Variants in PRKACB observed in about 807,000 individuals in gnomAD.
The protein encoded by PRKACB is cAMP-dependent protein kinase catalytic subunit beta.
In PRKACB, 16 loss-of-function variants were observed where a neutral mutation model predicts 51.4. The ratio of observed to expected loss-of-function variants is 0.31; its 90% CI spans 0.21 to 0.47. PRKACB has a LOEUF of 0.47. Ranked by LOEUF, PRKACB falls within the 20% of genes least tolerant of loss-of-function variation. The probability of loss-of-function intolerance (pLI) is 1.00; values close to 1 mark genes in which losing one functional copy is unlikely to be tolerated. For synonymous variants in PRKACB, 147 were observed against 154.4 expected, an observed-to-expected ratio of 0.95 and a Z score of 0.35; for missense variants, 309 against 464.5, an observed-to-expected ratio of 0.67 and a Z score of 3.08.
At chr1:84,150,598 G>A (rs1483102729) in intron 1 of PRKACB, among the ~76,000 whole-genome samples, 1 of 152,102 alleles carries the variant, frequency 6.6e-6, no homozygotes, top group African/African-American at 2.4e-5. Flanking sequence ...GCAATAACTG[G>A]TTGTTTTTTT....
chr1:84,129,720 A>G (rs1233685463), intron 1 of PRKACB, among the ~76,000 whole-genome samples: 5 of 152,254 alleles, frequency 3.3e-5, no homozygotes, highest in Non-Finnish European at 7.3e-5. Flanking sequence ...TATGCCTAAA[A>G]AAGATTCTGA....
chr1:84,135,309 A>G (rs1345168914), intron 1 of PRKACB, among the ~76,000 whole-genome samples: 1 of 152,228 alleles, frequency 6.6e-6, no homozygotes, highest in Non-Finnish European at 1.5e-5. Context: ...AATGAAAAAC[A>G]GCCAACTCCA....
chr1:84,189,700 G>A (rs1666189714), intron 5 of PRKACB, among the ~76,000 whole-genome samples: 1 of 151,872 alleles, frequency 6.6e-6, no homozygotes, highest in African/African-American at 2.4e-5. Flanking sequence ...TAAAACTAGG[G>A]AAATTAATTA....
At chr1:84,089,405 G>A (rs1648278469) in intron 1 of PRKACB, among the ~76,000 whole-genome samples, 1 of 152,094 alleles carries the variant, frequency 6.6e-6, no homozygotes, top group Admixed American at 6.6e-5. Context: ...ATTGGTCTCA[G>A]GCAGGTAGGA....
At chr1:84,161,500 C>T (rs1315306634) in intron 1 of PRKACB, among the ~76,000 whole-genome samples, 1 of 151,684 alleles carries the variant, frequency 6.6e-6, no homozygotes, top group African/African-American at 2.4e-5. Flanking sequence ...TTCCATTTTA[C>T]TGTTTTCTGT....
rs1165608991 is a variant in PRKACB, at chr1:84,214,267, A to G, written c.1021A>G (p.Thr341Ala). 2 of 1,612,086 alleles carry G rather than the reference A, an allele frequency of 1.2e-6. No homozygotes were observed. The highest frequency in any genetic ancestry group is 1.3e-5 in the African/African-American group (1 of 74,728). The change falls in exon 9 of 10, where the codon ACT (threonine) becomes GCT (alanine). Residue 341 changes from threonine to alanine, a missense_variant. Physicochemically the swap from Thr to Ala is moderately conservative, Grantham distance 58. Coordinates refer to ENST00000370685, the MANE Select transcript of PRKACB (RefSeq NM_182948.4). Reference sequence around the variant, plus strand: ...AAAGAATGGTGTCAGTGATATAAAAACTCACAAGTGGTTTGCCACGACAGA... The same window carrying G: ...AAAGAATGGTGTCAGTGATATAAAAGCTCACAAGTGGTTTGCCACGACAGA... Reference protein sequence around the residue: ...NLKNGVSDIKTHKWFATTDWI... With the variant: ...NLKNGVSDIKAHKWFATTDWI...
chr1:84,196,517 C>T, intron 5 of PRKACB, 99 bp from the exon 6 acceptor site: 2 of 1,203,962 alleles, frequency 1.7e-6, no homozygotes, highest in East Asian at 2.6e-5. Flanking sequence ...TTTTTGTTCC[C>T]AAAGTACCTC....
At chr1:84,093,187 G>T (rs1648635256) in intron 1 of PRKACB, among the ~76,000 whole-genome samples, 1 of 151,828 alleles carries the variant, frequency 6.6e-6, no homozygotes, top group Admixed American at 6.6e-5. Flanking sequence ...TAGGGTCATA[G>T]ATATTTTCCT....
intron 7 of PRKACB, among the ~76,000 whole-genome samples, chr1:84,198,426 C>G (rs1310236511): frequency 6.6e-6 from 1 of 152,020 alleles, no homozygotes; most frequent in African/African-American, 2.4e-5. Flanking sequence ...TAACAATAAC[C>G]AGGCACAAAT....
chr1:84,078,196 T>A lies in PRKACB; in HGVS notation c.-130T>A, dbSNP rs112683800. On this transcript the variant is annotated 5_prime_UTR_variant, in exon 1 of 9. Coordinates refer to the PRKACB transcript ENST00000370688. ...GGCCCGGTCTTCGCGCCCGGACTCC[T>A]GGCGCCAGCGCTAGGCGCACTCACC... 3.2e-4 allele frequency: 344 copies of A among 1,060,846 alleles called. 2 individuals carry two copies. In the African/African-American group the frequency reaches 5.0e-3, roughly 15 times the overall value. 65.7% of individuals were successfully genotyped at this position (1,060,846 alleles called of 1,614,324 possible).
intron 1 of PRKACB, among the ~76,000 whole-genome samples, chr1:84,117,536 G>A (rs562166136): frequency 2.0e-5 from 3 of 152,064 alleles, no homozygotes; most frequent in Admixed American, 1.3e-4. Context: ...TTAGTAAGTT[G>A]TATGTTTCCA....
At chr1:84,233,345 C>T (rs1316918719) in intron 9 of PRKACB, among the ~76,000 whole-genome samples, 9 of 149,748 alleles carry the variant, frequency 6.0e-5, no homozygotes, top group Non-Finnish European at 8.9e-5. Context: ...CTGCCCTTAA[C>T]ATTTTTTCCT....
intron 1 of PRKACB, among the ~76,000 whole-genome samples, chr1:84,145,474 C>A (rs1174312433): frequency 6.6e-6 from 1 of 152,136 alleles, no homozygotes; most frequent in East Asian, 1.9e-4. Context: ...GCTTAACAAC[C>A]ACAACAGCAA....
chr1:84,109,757 G>T (rs567917560), intron 1 of PRKACB, among the ~76,000 whole-genome samples: 2 of 151,624 alleles, frequency 1.3e-5, no homozygotes, highest in African/African-American at 4.8e-5. Context: ...TGAGCATTAT[G>T]TTTATTGCTA....
At chr1:84,095,829 G>A (rs1481596381) in intron 1 of PRKACB, among the ~76,000 whole-genome samples, 2 of 151,526 alleles carry the variant, frequency 1.3e-5, no homozygotes, top group African/African-American at 4.8e-5. Flanking sequence ...TTTTCCAGTT[G>A]ATTTTTGAGT....
chr1:84,128,404 T>A (rs1364693322), intron 1 of PRKACB, among the ~76,000 whole-genome samples: 3 of 152,234 alleles, frequency 2.0e-5, no homozygotes, highest in Non-Finnish European at 4.4e-5. Context: ...CTGTCCAAAT[T>A]GCAGAAATTG....
chr1:84,187,352 T>A (rs1197605172), intron 5 of PRKACB, among the ~76,000 whole-genome samples: 1 of 152,166 alleles, frequency 6.6e-6, no homozygotes, highest in African/African-American at 2.4e-5. Context: ...ATTATTTGGT[T>A]AAGTGAAAAA....
intron 5 of PRKACB, among the ~76,000 whole-genome samples, chr1:84,195,190 C>T (rs1667870974): frequency 6.6e-6 from 1 of 152,178 alleles, no homozygotes; most frequent in Admixed American, 6.5e-5. Flanking sequence ...TCTCCTCATT[C>T]CTTGTCATTT....
At chr1:84,085,303 TC>T (rs1647877563) in intron 1 of PRKACB, among the ~76,000 whole-genome samples, 2 of 152,174 alleles carry the variant, frequency 1.3e-5, no homozygotes, top group South Asian at 4.1e-4. Flanking sequence ...GTTTAAAAGT[TC>T]AGATGTAATT....
Sources: allele counts gnomAD v4.1 joint callset (sites outside exome capture counted in the v4.1 genomes callset), GRCh38; gene constraint gnomAD v4.1.1; transcripts MANE v1.5; gene names NCBI Gene and HGNC (gene_info 2026-07-23, HGNC 2026-07-21).